FRAS1: variants seen among roughly 807,000 people sequenced by gnomAD.
The protein encoded by FRAS1 is Fraser extracellular matrix complex subunit 1, also known as extracellular matrix organizing protein FRAS1.
In FRAS1, 290 loss-of-function variants were observed where a neutral mutation model predicts 435.2. The ratio of observed to expected loss-of-function variants is 0.67; its 90% CI spans 0.61 to 0.73. FRAS1 has a LOEUF of 0.73. Ranked by LOEUF, FRAS1 falls within the 30% of genes least tolerant of loss-of-function variation. The probability of loss-of-function intolerance (pLI) is 0.00; values close to 1 mark genes in which losing one functional copy is unlikely to be tolerated. For synonymous variants in FRAS1, 1,800 were observed against 1,851.0 expected, an observed-to-expected ratio of 0.97 and a Z score of 0.71; for missense variants, 4,860 against 5,001.5, an observed-to-expected ratio of 0.97 and a Z score of 0.85.
intron 18 of FRAS1, among the ~76,000 whole-genome samples, chr4:78,321,581 C>A (rs112637552): frequency 0.053 from 8,129 of 152,242 alleles, 355 homozygotes; most frequent in African/African-American, 0.12. Context: ...CGGTGGCTCA[C>A]GCCTGTAATC....
intron 47 of FRAS1, among the ~76,000 whole-genome samples, chr4:78,459,277 T>A (rs1204960868): frequency 6.6e-6 from 1 of 152,204 alleles, no homozygotes; most frequent in African/African-American, 2.4e-5. Flanking sequence ...CTTTCTCCCT[T>A]CAACAAACAC....
chr4:78,421,836 T>A, intron 33 of FRAS1, 27 bp from the exon 34 acceptor site: 1 of 1,613,248 alleles, frequency 6.2e-7, no homozygotes, highest in Non-Finnish European at 8.5e-7. Context: ...TTACTGTTGA[T>A]GCTGAGGCCA....
At position 78,380,409 on chromosome 4, in the gene FRAS1, G is replaced by A. The variant is rs988691325; in HGVS notation, c.3563+413G>A. Among the ~76,000 whole-genome samples, 7 of 152,142 alleles carry A rather than the reference G, an allele frequency of 4.6e-5. No homozygotes were observed. In the South Asian group the frequency reaches 6.2e-4, roughly 14 times the overall value. The stretch of plus-strand genomic sequence containing the variant: ...GTTGTATGGTCTCTGGGATTTTAGA[G>A]TTGAAAGGAAACTTAGAATCACAGT... On this transcript the variant is annotated intron_variant, in intron 27 of 73. Transcript: ENST00000512123.
At chr4:78,091,079 A>C (rs56683625) in intron 2 of FRAS1, among the ~76,000 whole-genome samples, 5,694 of 152,166 alleles carry the variant, frequency 0.037, 349 homozygotes, top group African/African-American at 0.13. Context: ...TCTGGGGTTC[A>C]AATTTGCATT....
chr4:78,304,702 G>A (rs1383603793), intron 14 of FRAS1, among the ~76,000 whole-genome samples: 3 of 151,950 alleles, frequency 2.0e-5, no homozygotes, highest in East Asian at 3.9e-4. Context: ...CTGTGGGATA[G>A]GTGGTGATAT....
At chr4:78,510,707 G>A (rs979287948) in intron 63 of FRAS1, among the ~76,000 whole-genome samples, 3 of 152,202 alleles carry the variant, frequency 2.0e-5, no homozygotes, top group African/African-American at 7.2e-5. Flanking sequence ...GGAATCTGTG[G>A]AAAGACCTTC....
intron 15 of FRAS1, among the ~76,000 whole-genome samples, chr4:78,314,144 G>C (rs1272285157): frequency 1.3e-5 from 2 of 150,896 alleles, no homozygotes; most frequent in South Asian, 2.1e-4. Flanking sequence ...CCAGGTCCTT[G>C]CCCACTTCTG....
intron 2 of FRAS1, among the ~76,000 whole-genome samples, chr4:78,197,650 G>A (rs1032723772): frequency 6.6e-6 from 1 of 151,954 alleles, no homozygotes; most frequent in African/African-American, 2.4e-5. Flanking sequence ...TGAGCGTAAA[G>A]AGTGGACTGG....
chr4:78,468,256 TGA>T (rs1719593890), intron 50 of FRAS1, among the ~76,000 whole-genome samples: 1 of 152,152 alleles, frequency 6.6e-6, no homozygotes, highest in Non-Finnish European at 1.5e-5. Context: ...TTGTATGTGG[TGA>T]GAGAGAGGGG....
intron 47 of FRAS1, among the ~76,000 whole-genome samples, chr4:78,453,664 G>A (rs1399016973): frequency 6.6e-6 from 1 of 152,038 alleles, no homozygotes; most frequent in Non-Finnish European, 1.5e-5. Context: ...GCCAGATGTG[G>A]TGGTGCACAT....
intron 15 of FRAS1, among the ~76,000 whole-genome samples, chr4:78,309,472 T>A (rs1728929364): frequency 6.6e-6 from 1 of 152,182 alleles, no homozygotes; most frequent in Non-Finnish European, 1.5e-5. Context: ...CACAATTTCA[T>A]GAGGTAGATA....
At chr4:78,071,085 A>T (rs1249328716) in intron 2 of FRAS1, 1 of 152,266 alleles carries the variant, frequency 6.6e-6, no homozygotes, top group Non-Finnish European at 1.5e-5. Flanking sequence ...AAATGCTGAC[A>T]AAGTGAATCA....
intron 28 of FRAS1, 36 bp downstream of exon 28, chr4:78,384,179 T>A (rs962415946): frequency 2.2e-6 from 3 of 1,355,320 alleles, no homozygotes; most frequent in Non-Finnish European, 1.0e-6. Context: ...TAATTTTACA[T>A]GACTACTAGT....
chr4:78,126,221 G>C (rs926434241), intron 2 of FRAS1, among the ~76,000 whole-genome samples: 4 of 152,118 alleles, frequency 2.6e-5, no homozygotes, highest in Non-Finnish European at 5.9e-5. Context: ...CACAGGAGGG[G>C]ATCTCCTGGT....
Position 78,268,056 on chromosome 4 carries a change from CT to C in FRAS1, c.981+633del, listed in dbSNP as rs199623916. ...TGTACTGTATGTTGGAGGGAAATGA[CT>C]TTTTTTTTCCTCTTTGAACTTGATT... On this transcript the variant is annotated intron_variant, in intron 9 of 73. Transcript: ENST00000512123. Among the ~76,000 whole-genome samples, 115 of 151,760 alleles carry C rather than the reference CT, an allele frequency of 7.6e-4. 1 individual carries two copies. The East Asian group carries it at 0.017, about 22-fold the overall frequency.
intron 4 of FRAS1, among the ~76,000 whole-genome samples, chr4:78,245,587 A>G (rs1459576594): frequency 6.6e-6 from 1 of 152,118 alleles, no homozygotes; most frequent in Admixed American, 6.6e-5. Flanking sequence ...TAGTAAAAGT[A>G]CCTCCCTCCT....
intron 2 of FRAS1, among the ~76,000 whole-genome samples, chr4:78,148,616 G>T (rs949794250): frequency 2.0e-5 from 3 of 152,106 alleles, no homozygotes; most frequent in Non-Finnish European, 4.4e-5. Context: ...TTATGTATCT[G>T]ATCTTAATTA....
chr4:78,324,680 TTAC>T (rs1044811229), intron 18 of FRAS1, among the ~76,000 whole-genome samples: 4 of 151,612 alleles, frequency 2.6e-5, no homozygotes, highest in African/African-American at 9.7e-5. Flanking sequence ...ACTAATTTAC[TTAC>T]TTTCTTTTTA....
At chr4:78,320,051 G>A (rs763386550) in intron 18 of FRAS1, among the ~76,000 whole-genome samples, 2 of 152,182 alleles carry the variant, frequency 1.3e-5, no homozygotes, top group Non-Finnish European at 2.9e-5. Context: ...CTCCTGCTCC[G>A]TGGGTGCAAA....
Sources: allele counts gnomAD v4.1 joint callset (sites outside exome capture counted in the v4.1 genomes callset), GRCh38; gene constraint gnomAD v4.1.1; transcripts MANE v1.5; gene names NCBI Gene and HGNC (gene_info 2026-07-23, HGNC 2026-07-21).